Variants in CCDC175 observed in about 807,000 individuals in gnomAD.
CCDC175 encodes the protein coiled-coil domain containing 175, also known as coiled-coil domain-containing protein 175.
In CCDC175, 100 loss-of-function variants were observed where a neutral mutation model predicts 114.6. The ratio of observed to expected loss-of-function variants is 0.87; its 90% CI spans 0.74 to 1.03. CCDC175 has a LOEUF of 1.03. CCDC175 is among the 50% of genes least tolerant of loss of function. The pLI is 0.00. For synonymous variants in CCDC175, 306 were observed against 308.7 expected (o/e 0.99, Z 0.09); for missense variants, 880 against 917.8 (o/e 0.96, Z 0.53).
intron 18 of CCDC175, 125 bp from the exon 19 acceptor site, chr14:59,510,933 T>C: frequency 1.2e-6 from 1 of 828,924 alleles, no homozygotes; most frequent in Non-Finnish European, 1.8e-6. Flanking sequence ...GTCATAAAAA[T>C]AAGTGCTTGT....
intron 7 of CCDC175, among the ~76,000 whole-genome samples, chr14:59,560,151 G>T (rs1333097892): frequency 3.9e-5 from 6 of 151,912 alleles, no homozygotes; most frequent in Non-Finnish European, 7.4e-5. Flanking sequence ...AAAGATTATT[G>T]CCTATTTTAT....
chr14:59,531,058 T>C (rs1023959163), intron 14 of CCDC175, among the ~76,000 whole-genome samples: 1 of 151,768 alleles, frequency 6.6e-6, no homozygotes, highest in African/African-American at 2.4e-5. Context: ...AAGGATCTCC[T>C]AAGCCCAGGA....
At chr14:59,556,616 C>T (rs925190847) in intron 7 of CCDC175, among the ~76,000 whole-genome samples, 86 of 152,262 alleles carry the variant, frequency 5.6e-4, no homozygotes, top group African/African-American at 2.0e-3. Flanking sequence ...CAAATGGGAT[C>T]TAATTAAACT....
At chr14:59,564,947 G>A in intron 5 of CCDC175, 100 bp downstream of exon 5, 1 of 874,310 alleles carries the variant, frequency 1.1e-6, no homozygotes, top group South Asian at 1.8e-5. Flanking sequence ...AGATACCACA[G>A]AGGCTGCTTG....
chr14:59,568,335 G>A lies in CCDC175; in HGVS notation c.401C>T (p.Thr134Ile). 6.5e-7 allele frequency: 1 copy of A among 1,530,296 alleles called. No individual in the cohort carries two copies. The highest frequency in any genetic ancestry group is 8.7e-7 in the Non-Finnish European group (1 of 1,144,118). The allele number at this position is 1,530,296 out of a possible 1,614,324, so 94.8% of individuals were successfully genotyped here. A position where few individuals can be genotyped will look rare whatever the true frequency, so the allele number is the denominator to read the frequency against. ...ARRLNLFEIN[T>I]IKMRITRTEN... is the part of the protein sequence containing the mutation. ...TGTCCTTGTAATTCTCATTTTTATTGTATTTATCTCAAAAAGATTTAATCT... is the reference window on the plus strand; with the variant it reads ...TGTCCTTGTAATTCTCATTTTTATTATATTTATCTCAAAAAGATTTAATCT... Residue 134 changes from threonine (T) to isoleucine (I), a missense_variant, in exon 4 of 20, where the codon ACA becomes ATA. Coordinates refer to ENST00000537690, the MANE Select transcript of CCDC175 (RefSeq NM_001164399.2).
intron 19 of CCDC175, among the ~76,000 whole-genome samples, chr14:59,506,818 C>T (rs1409908196): frequency 1.3e-5 from 2 of 152,060 alleles, no homozygotes. Context: ...ACAGAGATAA[C>T]TTTGACAGTT....
At position 59,519,262 on chromosome 14, in the gene CCDC175, C is replaced by A. The variant is rs568206724; in HGVS notation, c.2098+2312G>T. Among the ~76,000 whole-genome samples the A allele has an allele frequency of 1.1e-4, 16 of 152,122 alleles. No individual in the cohort carries two copies. In the East Asian group the frequency reaches 3.1e-3, roughly 29 times the overall value. On this transcript the variant is annotated intron_variant, in intron 17 of 19. Transcript: ENST00000537690. ...AGCACACTAACATGGCACATGTATACATATGTAACTAACCTGCACATTGTG... is the reference window on the plus strand; with the variant it reads ...AGCACACTAACATGGCACATGTATAAATATGTAACTAACCTGCACATTGTG...
rs553397209 is a variant in CCDC175 at position 59,527,205 on chromosome 14, C to T, written c.1763-31G>A. On this transcript the variant is annotated intron_variant, in intron 14 of 19. Coordinates refer to ENST00000537690, the MANE Select transcript of CCDC175 (RefSeq NM_001164399.2). Reference sequence around the variant, plus strand: ...AAAACAAAGAAAAAAATAACTACCTCAAAAATTTAGTTAAAAAATATTAAT... The same window carrying T: ...AAAACAAAGAAAAAAATAACTACCTTAAAAATTTAGTTAAAAAATATTAAT... 5.2e-6 allele frequency: 6 copies of T among 1,151,212 alleles called. No individual in the cohort carries two copies. In the South Asian group the frequency reaches 6.3e-5, roughly 12 times the overall value. The allele number at this position is 1,151,212 out of a possible 1,614,324, so 71.3% of individuals were successfully genotyped here.
intron 7 of CCDC175, among the ~76,000 whole-genome samples, chr14:59,558,433 A>C (rs1482230133): frequency 6.6e-6 from 1 of 152,184 alleles, no homozygotes; most frequent in African/African-American, 2.4e-5. Context: ...CTAAAGCTAC[A>C]GTGGTGGCAG....
chr14:59,548,464 T>C (rs767124256), intron 8 of CCDC175, among the ~76,000 whole-genome samples: 1 of 152,158 alleles, frequency 6.6e-6, no homozygotes, highest in Non-Finnish European at 1.5e-5. Context: ...TTTGAAGTGA[T>C]CACTCACTTA....
chr14:59,570,439 T>TC (rs1896782895), intron 3 of CCDC175, among the ~76,000 whole-genome samples: 1 of 152,172 alleles, frequency 6.6e-6, no homozygotes, highest in Non-Finnish European at 1.5e-5. Context: ...ATCTACCTTT[T>TC]TTTTTTTACT....
At chr14:59,540,604 C>G (rs998089846) in intron 11 of CCDC175, 71 bp downstream of exon 11, 18 of 1,416,876 alleles carry the variant, frequency 1.3e-5, no homozygotes, top group Non-Finnish European at 1.7e-5. Flanking sequence ...CTGCACTGTT[C>G]ATTAAGATAA....
At chr14:59,574,920 G>T in intron 2 of CCDC175, 23 bp downstream of exon 2, 1 of 1,217,512 alleles carries the variant, frequency 8.2e-7, no homozygotes, top group South Asian at 1.4e-5. Context: ...TTGAAGAAAT[G>T]GTTCTTATAG....
chr14:59,525,320 CT>C lies in CCDC175; in HGVS notation c.1956del (p.Ala653GlnfsTer11). 1 of 1,465,742 alleles carries C rather than the reference CT, an allele frequency of 6.8e-7. No homozygotes were observed. The highest frequency in any genetic ancestry group is 8.9e-7 in the Non-Finnish European group (1 of 1,119,424). The allele number at this position is 1,465,742 out of a possible 1,614,324, so 90.8% of individuals were successfully genotyped here. ...TTATTTTCCAGGAGCAGAAGATCTGCTTTTTGGTCATTTATATAGAATCCAT... is the reference window on the plus strand; with the variant it reads ...TTATTTTCCAGGAGCAGAAGATCTGCTTTTGGTCATTTATATAGAATCCAT... ...LENGFYINDQKADLLLLENKK... is the reference protein window; with the variant it reads ...LENGFYINDQXADLLLLENKK... On this transcript the variant is annotated frameshift_variant, in exon 16 of 20. Transcript: ENST00000537690. LOFTEE classifies it high-confidence loss of function.
chr14:59,510,354 G>T, intron 19 of CCDC175: 1 of 277,480 alleles, frequency 3.6e-6, no homozygotes, highest in Non-Finnish European at 7.0e-6. Flanking sequence ...TAAAAAATGT[G>T]TAAAAGAGTT....
chr14:59,543,468 C>A lies in CCDC175; in HGVS notation c.1173-14G>T. ...TGTTTCTGATTTCTATCATGAAAAA[C>A]AGAGTTATTTGTTGAAGGCTGACAT... On this transcript the variant is annotated splice_polypyrimidine_tract_variant and intron_variant, in intron 9 of 19. Transcript: ENST00000537690. The A allele has an allele frequency of 8.8e-7, 1 of 1,139,502 alleles. No homozygotes were observed. Among genetic ancestry groups the A allele is most frequent in the Non-Finnish European group, 1.2e-6 (1 of 826,458 alleles). 70.6% of individuals were successfully genotyped at this position (1,139,502 alleles called of 1,614,324 possible).
intron 19 of CCDC175, among the ~76,000 whole-genome samples, chr14:59,508,587 A>AT (rs1892582787): frequency 2.1e-5 from 3 of 145,046 alleles, no homozygotes; most frequent in Non-Finnish European, 4.5e-5. Flanking sequence ...AAAAAAAAAG[A>AT]GAGAAAAGCA....
chr14:59,522,934 T>A (rs1176086579), intron 16 of CCDC175, among the ~76,000 whole-genome samples: 3 of 152,192 alleles, frequency 2.0e-5, no homozygotes, highest in Non-Finnish European at 4.4e-5. Flanking sequence ...ATTTACTGTG[T>A]CTTGCCCAGT....
chr14:59,510,885 G>T, intron 18 of CCDC175, 77 bp from the exon 19 acceptor site: 1 of 1,291,796 alleles, frequency 7.7e-7, no homozygotes, highest in Non-Finnish European at 1.0e-6. Context: ...AGTGGATCAT[G>T]TCCAAAAAAA....
Sources: gnomAD v4.1 joint callset for allele counts (sites outside exome capture counted in the v4.1 genomes callset) on GRCh38, gnomAD v4.1.1 for gene constraint, MANE v1.5 for transcripts, NCBI Gene and HGNC (gene_info 2026-07-23, HGNC 2026-07-21) for gene names.